The following KCNK12 variants were observed in gnomAD, a reference collection of about 807,000 sequenced individuals.
KCNK12 encodes potassium channel subfamily K member 12.
In KCNK12, 6 loss-of-function variants were observed where a neutral mutation model predicts 25.3. The observed-to-expected ratio is 0.24, with a 90% CI of 0.13 to 0.47. The LOEUF (loss-of-function observed/expected upper bound fraction) is 0.47. Ranked by LOEUF, KCNK12 falls within the 20% of genes least tolerant of loss-of-function variation. The probability of loss-of-function intolerance (pLI) is 0.99; values close to 1 mark genes in which losing one functional copy is unlikely to be tolerated. For missense variants in KCNK12, 444 were observed against 661.7 expected, an observed-to-expected ratio of 0.67 and a Z score of 3.61; for synonymous variants, 331 against 311.1, an observed-to-expected ratio of 1.06 and a Z score of -0.67.
At chr2:47,546,273 T>C (rs1669312922) in intron 1 of KCNK12, among the ~76,000 whole-genome samples, 1 of 152,366 alleles carries the variant, frequency 6.6e-6, no homozygotes, top group Admixed American at 6.5e-5. Context: ...TCCAAAAATA[T>C]GTAAATGGTT....
chr2:47,563,861 T>C (rs757673990), intron 1 of KCNK12: 5 of 232,474 alleles, frequency 2.2e-5, no homozygotes, highest in Admixed American at 1.1e-4. Flanking sequence ...GCGGAGGCCC[T>C]TGGGCATAGT....
Position 47,543,227 on chromosome 2 carries a change from A to C in KCNK12, c.392-21419T>G, listed in dbSNP as rs1395229805. ...CACCGTCACCACAATAAATAGCAAC[A>C]ACCACCACCACAACAAGCACAGACA... On this transcript the variant is annotated intron_variant, in intron 1 of 1. Transcript: ENST00000327876. The C allele has an allele frequency of 3.3e-5, 5 of 151,710 alleles. No homozygotes were observed. In the East Asian group the frequency reaches 9.6e-4, roughly 29 times the overall value. 9.4% of individuals were successfully genotyped at this position (151,710 alleles called of 1,614,324 possible).
Position 47,570,256 on chromosome 2 carries a change from A to T in KCNK12, c.76T>A (p.Cys26Ser). Residue 26 changes from cysteine to serine, a missense_variant, in exon 1 of 2, where the codon TGC becomes AGC. Coordinates refer to ENST00000327876, the MANE Select transcript of KCNK12 (RefSeq NM_022055.2). ...TCGTTGAGGTGCGAACGGCGGCAGC[A>T]GCAGCAGCAGCAGGAGGGGCGCGGC... ...RLPRPSCCCC[C>S]CRRSHLNEDT... 1 of 1,435,496 alleles carries T rather than the reference A, an allele frequency of 7.0e-7. No individual in the cohort carries two copies. Among genetic ancestry groups the T allele is most frequent in the Non-Finnish European group, 9.1e-7 (1 of 1,094,490 alleles). 88.9% of individuals were successfully genotyped at this position (1,435,496 alleles called of 1,614,324 possible). A position where few individuals can be genotyped will look rare whatever the true frequency, so the allele number is the denominator to read the frequency against.
Position 47,566,395 on chromosome 2 carries a change from C to T in KCNK12, c.391+3546G>A, listed in dbSNP as rs1469579844. On this transcript the variant is annotated intron_variant, in intron 1 of 1. Coordinates refer to ENST00000327876, the MANE Select transcript of KCNK12 (RefSeq NM_022055.2). This position sits in a 1 kb window ranked among gnomAD's most constrained non-coding sequence, Gnocchi z 4.1. ...TTCCCCTCCTCTATACACATGTGCT[C>T]TCAAGAGTGTGTGTGTGCACGTGTG... 1 of 152,042 alleles carries T rather than the reference C, an allele frequency of 6.6e-6. No homozygotes were observed. The highest frequency in any genetic ancestry group is 1.5e-5 in the Non-Finnish European group (1 of 67,986). The allele number at this position is 152,042 out of a possible 1,614,324, so 9.4% of individuals were successfully genotyped here.
chr2:47,563,036 G>A (rs116288470), intron 1 of KCNK12: 433 of 233,290 alleles, frequency 1.9e-3, no homozygotes, highest in Non-Finnish European at 3.0e-3. Flanking sequence ...ATAGACCAAC[G>A]GCCTTTTGTT....
Position 47,569,996 on chromosome 2 carries a change from C to T in KCNK12, c.336G>A (p.Pro112=), listed in dbSNP as rs1297003826. ...AAGVRADALR[P]RWDFPGAFYF... Reference sequence around the variant, plus strand: ...AGAAGGCGCCGGGGAAGTCCCAGCGCGGGCGCAGCGCGTCGGCGCGGACGC... The same window carrying T: ...AGAAGGCGCCGGGGAAGTCCCAGCGTGGGCGCAGCGCGTCGGCGCGGACGC... The change falls in exon 1 of 2, where the codon CCG becomes CCA. Residue 112 remains proline (P), a synonymous_variant. Coordinates refer to ENST00000327876, the MANE Select transcript of KCNK12 (RefSeq NM_022055.2). The surrounding 1 kb of genome is among the most constrained non-coding windows in gnomAD (Gnocchi z 4.1). 7 of 1,430,298 alleles carry T rather than the reference C, an allele frequency of 4.9e-6. No individual in the cohort carries two copies. 88.6% of individuals were successfully genotyped at this position (1,430,298 alleles called of 1,614,324 possible).
chr2:47,542,327 G>C (rs1039631047), intron 1 of KCNK12, among the ~76,000 whole-genome samples: 2 of 152,250 alleles, frequency 1.3e-5, no homozygotes, highest in African/African-American at 4.8e-5. Flanking sequence ...CACATGCACA[G>C]CCCAGGGACT....
chr2:47,530,888 C>T (rs538290885), intron 1 of KCNK12, among the ~76,000 whole-genome samples: 1 of 152,156 alleles, frequency 6.6e-6, no homozygotes, highest in East Asian at 1.9e-4. Context: ...CAGTAACTTG[C>T]CCAAGATCAC....
At chr2:47,545,805 G>A (rs529631178) in intron 1 of KCNK12, among the ~76,000 whole-genome samples, 1 of 152,280 alleles carries the variant, frequency 6.6e-6, no homozygotes, top group East Asian at 1.9e-4. Context: ...AGCCATTTGT[G>A]CTAACTGATG....
Position 47,512,409 on chromosome 2 carries a change from A to G in KCNK12, c.*8498T>C, listed in dbSNP as rs781454177. ...GCTTGCAGTCGGCCAGAGAGACAGA[A>G]CCAGGGCAGTGGTGAGCTCTCATGA... On this transcript the variant is annotated 3_prime_UTR_variant, in exon 2 of 2. Coordinates refer to ENST00000327876, the MANE Select transcript of KCNK12 (RefSeq NM_022055.2). 1.5e-5 allele frequency: 24 copies of G among 1,610,820 alleles called. No individual in the cohort carries two copies. The Admixed American group carries it at 3.9e-4, about 26-fold the overall frequency.
chr2:47,510,654 G>C lies in KCNK12; in HGVS notation c.*10253C>G, dbSNP rs1668378678. On this transcript the variant is annotated 3_prime_UTR_variant, in exon 2 of 2. Coordinates refer to ENST00000327876, the MANE Select transcript of KCNK12 (RefSeq NM_022055.2). ...GTTTATCTCTATTCAGTGGAACACA[G>C]CAGCACTGTGACCTGCCCACGAGAA... Among the ~76,000 whole-genome samples the C allele has an allele frequency of 6.6e-6, 1 of 152,166 alleles. No individual in the cohort carries two copies. The highest frequency in any genetic ancestry group is 2.4e-5 in the African/African-American group (1 of 41,450).
At chr2:47,567,693 G>T (rs533240049) in intron 1 of KCNK12, among the ~76,000 whole-genome samples, 1 of 152,182 alleles carries the variant, frequency 6.6e-6, no homozygotes, top group Non-Finnish European at 1.5e-5. Context: ...TACACAGGCT[G>T]GTTTAAATGT....
In KCNK12 at chr2:47,548,421, C is replaced by T. The variant is rs1669358533; in HGVS notation, c.391+21520G>A. Among the ~76,000 whole-genome samples, 1 of 152,234 alleles carries T rather than the reference C, an allele frequency of 6.6e-6. No homozygotes were observed. The highest frequency in any genetic ancestry group is 6.5e-5 in the Admixed American group (1 of 15,286). ...CCAAGCTCTTGATTCTCCCTCCCAACCAGCCCCTCCTTGATTCCACTTCAG... is the reference window on the plus strand; with the variant it reads ...CCAAGCTCTTGATTCTCCCTCCCAATCAGCCCCTCCTTGATTCCACTTCAG... On this transcript the variant is annotated intron_variant, in intron 1 of 1. Transcript: ENST00000327876. This position sits in a 1 kb window ranked among gnomAD's most constrained non-coding sequence, Gnocchi z 4.4.
intron 1 of KCNK12, among the ~76,000 whole-genome samples, chr2:47,530,801 A>G (rs1054611682): frequency 1.3e-5 from 2 of 152,232 alleles, no homozygotes; most frequent in Non-Finnish European, 2.9e-5. Flanking sequence ...TTGATGAACT[A>G]TAGTGGGGAT....
At chr2:47,521,936 A>G in intron 1 of KCNK12, 128 bp from the exon 2 acceptor site, 2 of 725,874 alleles carry the variant, frequency 2.8e-6, no homozygotes, top group Non-Finnish European at 4.3e-6. Context: ...GGCACCACTC[A>G]GGTGGAGGAA....
intron 1 of KCNK12, among the ~76,000 whole-genome samples, chr2:47,554,791 C>T (rs879424486): frequency 9.2e-5 from 14 of 152,178 alleles, no homozygotes; most frequent in East Asian, 5.8e-4. Flanking sequence ...TTGGTTAGAA[C>T]GCTAACTTAG....
chr2:47,531,497 A>G (rs1208641306), intron 1 of KCNK12, among the ~76,000 whole-genome samples: 1 of 150,546 alleles, frequency 6.6e-6, no homozygotes, highest in Non-Finnish European at 1.5e-5. Context: ...ATTAGGTGGG[A>G]TTTCAAGAGA....
In KCNK12 at chr2:47,554,026, G is replaced by A. The variant is rs182202289; in HGVS notation, c.391+15915C>T. Reference sequence around the variant, plus strand: ...ACATTAAAGTGCTTATGAAATACCAGGGCCAGACTAAGTACCTGCATTCAT... The same window carrying A: ...ACATTAAAGTGCTTATGAAATACCAAGGCCAGACTAAGTACCTGCATTCAT... On this transcript the variant is annotated intron_variant, in intron 1 of 1. Transcript: ENST00000327876. 2.9e-3 allele frequency among the ~76,000 whole-genome samples: 434 copies of A among 152,224 alleles called. 2 individuals are homozygous for A. The highest frequency in any genetic ancestry group is 9.9e-3 in the African/African-American group (412 of 41,524).
At chr2:47,545,675 C>T (rs1669297315) in intron 1 of KCNK12, among the ~76,000 whole-genome samples, 1 of 152,184 alleles carries the variant, frequency 6.6e-6, no homozygotes, top group African/African-American at 2.4e-5. Context: ...CCTCAATTTC[C>T]TCATCTGTAA....
Sources: gnomAD v4.1 joint callset for allele counts (sites outside exome capture counted in the v4.1 genomes callset) on GRCh38, gnomAD v4.1.1 for gene constraint, Gnocchi (gnomAD v3.1) non-coding constraint, MANE v1.5 for transcripts, NCBI Gene and HGNC (gene_info 2026-07-23, HGNC 2026-07-21) for gene names.